Variants in MTR observed in about 807,000 individuals in gnomAD.
The protein encoded by MTR is 5-methyltetrahydrofolate-homocysteine methyltransferase, also known as methionine synthase.
A neutral mutation model predicts 154.8 loss-of-function variants in MTR; 84 were observed. The ratio of observed to expected loss-of-function variants is 0.54; its 90% CI spans 0.45 to 0.65. The LOEUF is 0.65. Ranked by LOEUF, MTR falls within the 30% of genes least tolerant of loss-of-function variation. The pLI is 0.00. For missense variants in MTR, 1,275 were observed against 1,570.2 expected (o/e 0.81, Z 3.18); for synonymous variants, 554 against 553.9 (o/e 1.00, Z 0.00).
At chr1:236,894,020 G>A (rs1048778033) in intron 29 of MTR, among the ~76,000 whole-genome samples, 1 of 150,738 alleles carries the variant, frequency 6.6e-6, no homozygotes, top group Non-Finnish European at 1.5e-5. Context: ...TTTTTAAACC[G>A]TGACTTTAGC....
rs1662146972 is a variant in MTR at position 236,824,162 on chromosome 1, T to C, written c.808T>C (p.Phe270Leu). The C allele has an allele frequency of 6.2e-7, 1 of 1,614,142 alleles. No individual in the cohort carries two copies. The highest frequency in any genetic ancestry group is 2.2e-5 in the East Asian group (1 of 44,880). Residue 270 changes from phenylalanine to leucine, a missense_variant, in exon 9 of 33, where the codon TTT becomes CTT. By Grantham distance (22) the Phe-to-Leu change is conservative. Transcript: ENST00000366577. ...CALGAAEMRP[F>L]IEIIGKCTTA... ...TTTGGGTGCAGCTGAAATGAGACCT[T>C]TTATTGAAATAATTGGAAAATGTAC...
chr1:236,852,510 A>T lies in MTR; in HGVS notation c.1696-11A>T, dbSNP rs771930419. On this transcript the variant is annotated splice_polypyrimidine_tract_variant and intron_variant, in intron 16 of 32. Coordinates refer to ENST00000366577, the MANE Select transcript of MTR (RefSeq NM_000254.3). ...AAGGGGAATCTTTTCATATTTTAAA[A>T]TTTTTGCCAGGAAACATTACCTGGA... The T allele has an allele frequency of 1.9e-6, 3 of 1,605,298 alleles. No homozygotes were observed. Among genetic ancestry groups the T allele is most frequent in the Middle Eastern group, 1.7e-4 (1 of 6,046 alleles).
Position 236,853,007 on chromosome 1 carries a change from T to G in MTR, c.1872T>G (p.His624Gln), listed in dbSNP as rs1664006017. 4 of 1,613,898 alleles carry G rather than the reference T, an allele frequency of 2.5e-6. No homozygotes were observed. The highest frequency in any genetic ancestry group is 3.4e-6 in the Non-Finnish European group (4 of 1,179,914). ...AGNLPVYDDI[H>Q]KELLQLCEDL... ...ACCTCCCTGTGTATGATGATATCCA[T>G]AAGGAACTTCTGCAGCTCTGTGAAG... is the stretch of plus-strand genomic sequence containing the variant. The change falls in exon 18 of 33, where the codon CAT becomes CAG. Residue 624 changes from histidine (H) to glutamine (Q), a missense_variant. By Grantham distance (24) the His-to-Gln change is conservative (BLOSUM62 0). Transcript: ENST00000366577.
intron 9 of MTR, among the ~76,000 whole-genome samples, chr1:236,824,495 A>G (rs749832183): frequency 6.6e-6 from 1 of 152,200 alleles, no homozygotes; most frequent in Non-Finnish European, 1.5e-5. Context: ...AGCCTGGTGG[A>G]CGTGACCAGA....
chr1:236,847,548 G>C (rs145795124), intron 15 of MTR, among the ~76,000 whole-genome samples: 2 of 152,322 alleles, frequency 1.3e-5, no homozygotes, highest in East Asian at 3.9e-4. Flanking sequence ...GTTTGATAAA[G>C]CTATAAATGG....
intron 25 of MTR, among the ~76,000 whole-genome samples, chr1:236,881,575 C>T (rs1558335367): frequency 6.6e-6 from 1 of 152,000 alleles, no homozygotes; most frequent in Non-Finnish European, 1.5e-5. Context: ...CAAAAGAGCA[C>T]AGTTTGAGAA....
chr1:236,885,972 G>C (rs1665988534), intron 26 of MTR, among the ~76,000 whole-genome samples: 1 of 152,176 alleles, frequency 6.6e-6, no homozygotes, highest in Non-Finnish European at 1.5e-5. Flanking sequence ...GGCCATGGAA[G>C]ACCAGTTAAC....
chr1:236,860,805 T>C (rs1490568971), intron 19 of MTR, among the ~76,000 whole-genome samples: 2 of 152,248 alleles, frequency 1.3e-5, no homozygotes, highest in Non-Finnish European at 2.9e-5. Flanking sequence ...AAATTGTATG[T>C]ATTTACTGCA....
chr1:236,891,512 G>A (rs930123376), intron 29 of MTR, among the ~76,000 whole-genome samples, 183 bp downstream of exon 29: 10 of 152,142 alleles, frequency 6.6e-5, no homozygotes, highest in Non-Finnish European at 2.9e-5. Context: ...GAGAGAAGGC[G>A]CCACCATGGG....
At chr1:236,874,304 G>GTGGCTCACACCTGT (rs1393736112) in intron 23 of MTR, among the ~76,000 whole-genome samples, 2 of 152,202 alleles carry the variant, frequency 1.3e-5, no homozygotes, top group African/African-American at 4.8e-5. Context: ...GATGGGCGCA[G>GTGGCTCACACCTGT]TGGCTCACAC....
chr1:236,816,622 G>T (rs1287254166), intron 8 of MTR, 79 bp downstream of exon 8: 26 of 1,178,060 alleles, frequency 2.2e-5, no homozygotes, highest in African/African-American at 6.0e-5. Context: ...GACCTGGGAG[G>T]GGATTGCTTC....
At chr1:236,866,256 C>T (rs193198997) in intron 22 of MTR, among the ~76,000 whole-genome samples, 3 of 152,266 alleles carry the variant, frequency 2.0e-5, no homozygotes, top group East Asian at 3.9e-4. Flanking sequence ...TCCTAATTCT[C>T]ACAATATTTC....
intron 15 of MTR, among the ~76,000 whole-genome samples, chr1:236,849,976 AT>A (rs1663804863): frequency 6.6e-6 from 1 of 152,092 alleles, no homozygotes; most frequent in Admixed American, 6.6e-5. Context: ...GTAGTATTTG[AT>A]TTTTTATCAT....
At chr1:236,818,713 T>A (rs897979806) in intron 8 of MTR, among the ~76,000 whole-genome samples, 4 of 152,224 alleles carry the variant, frequency 2.6e-5, no homozygotes, top group African/African-American at 9.6e-5. Flanking sequence ...AAACTTTTGC[T>A]TACTGACTTG....
Position 236,885,181 on chromosome 1 carries a change from T to C in MTR, c.2737T>C (p.Tyr913His). The change falls in exon 26 of 33, where the codon TAT becomes CAT. Residue 913 changes from tyrosine (Y) to histidine (H), a missense_variant. Transcript: ENST00000366577. ...DEYFEEIMEE[Y>H]EDIRQDHYES... ...ATACTTTGAGGAAATCATGGAAGAATATGAAGATATTAGACAGGACCATTA... is the reference window on the plus strand; with the variant it reads ...ATACTTTGAGGAAATCATGGAAGAACATGAAGATATTAGACAGGACCATTA... The C allele has an allele frequency of 6.2e-7, 1 of 1,609,000 alleles. No homozygotes were observed. Among genetic ancestry groups the C allele is most frequent in the East Asian group, 2.2e-5 (1 of 44,860 alleles).
chr1:236,901,387 A>G lies in MTR; in HGVS notation c.*3743A>G, dbSNP rs1281095592. ...GAGTGTTTCAGACAGAAAAAGGATT[A>G]TATGCTGAGGGTAAAGCACAAGTAC... is the stretch of plus-strand genomic sequence containing the variant. On this transcript the variant is annotated 3_prime_UTR_variant, in exon 33 of 33. Coordinates refer to ENST00000366577, the MANE Select transcript of MTR (RefSeq NM_000254.3). 6.6e-6 allele frequency: 1 copy of G among 152,266 alleles called. No homozygotes were observed. The highest frequency in any genetic ancestry group is 1.5e-5 in the Non-Finnish European group (1 of 68,090). 9.4% of individuals were successfully genotyped at this position (152,266 alleles called of 1,614,324 possible).
Position 236,898,776 on chromosome 1 carries a change from G to C in MTR, c.*1132G>C, listed in dbSNP as rs553311634. 2.2e-3 allele frequency: 330 copies of C among 152,126 alleles called. 2 individuals are homozygous for C. Among genetic ancestry groups the C allele is most frequent in the African/African-American group, 7.4e-3 (308 of 41,476 alleles). The allele number at this position is 152,126 out of a possible 1,614,324, so 9.4% of individuals were successfully genotyped here. A position where few individuals can be genotyped will look rare whatever the true frequency, so the allele number is the denominator to read the frequency against. Reference sequence around the variant, plus strand: ...TCTCAGCTGGGCTCTGATATCCCGTGCGGAGTTGGACAAGTGGGCAGCATA... The same window carrying C: ...TCTCAGCTGGGCTCTGATATCCCGTCCGGAGTTGGACAAGTGGGCAGCATA... On this transcript the variant is annotated 3_prime_UTR_variant, in exon 33 of 33. Transcript: ENST00000366577.
At chr1:236,894,881 T>G in intron 30 of MTR, 1 of 396,962 alleles carries the variant, frequency 2.5e-6, no homozygotes, top group Non-Finnish European at 4.6e-6. Context: ...CCCCAAAAAA[T>G]TAAAAACAAA....
Position 236,795,641 on chromosome 1 carries a change from C to A in MTR, c.-63C>A. 10 of 1,610,390 alleles carry A rather than the reference C, an allele frequency of 6.2e-6. No homozygotes were observed. Among genetic ancestry groups the A allele is most frequent in the Middle Eastern group, 1.7e-4 (1 of 6,058 alleles). ...GCTGGCTGGCGTGGCCCTTGGCCGT[C>A]GTCACCTGTGGAGAGCACGTCTTCT... On this transcript the variant is annotated 5_prime_UTR_variant, in exon 1 of 33. Coordinates refer to ENST00000366577, the MANE Select transcript of MTR (RefSeq NM_000254.3).
Sources: allele counts gnomAD v4.1 joint callset (sites outside exome capture counted in the v4.1 genomes callset), GRCh38; gene constraint gnomAD v4.1.1; transcripts MANE v1.5; gene names NCBI Gene and HGNC (gene_info 2026-07-23, HGNC 2026-07-21).